The following CDK2AP1 variants were observed in gnomAD, a reference collection of about 807,000 sequenced individuals.
CDK2AP1 encodes the protein cyclin dependent kinase 2 associated protein 1.
A neutral mutation model predicts 14.1 loss-of-function variants in CDK2AP1; 10 were observed. The ratio of observed to expected loss-of-function variants is 0.71; its 90% confidence interval spans 0.44 to 1.20. The LOEUF (loss-of-function observed/expected upper bound fraction) is 1.20. Among genes scored for constraint, CDK2AP1 ranks in the 50% most tolerant of loss-of-function variants. CDK2AP1 has a pLI of 0.00. For missense variants in CDK2AP1, 102 were observed against 149.9 expected (o/e 0.68, Z 1.67); for synonymous variants, 59 against 59.8 (o/e 0.99, Z 0.06).
intron 2 of CDK2AP1, among the ~76,000 whole-genome samples, chr12:123,266,199 C>A (rs1593296329): frequency 6.6e-6 from 1 of 152,250 alleles, no homozygotes; most frequent in Non-Finnish European, 1.5e-5. Flanking sequence ...GCGCTCTGTC[C>A]TGTCCTCGTC....
intron 1 of CDK2AP1, chr12:123,271,104 C>T (rs2048349938): frequency 3.7e-6 from 3 of 817,684 alleles, no homozygotes; most frequent in African/African-American, 3.8e-5. Flanking sequence ...CCTGGCCCTG[C>T]CCGCAGCGCC....
At chr12:123,269,892 G>A (rs1488696242) in intron 1 of CDK2AP1, among the ~76,000 whole-genome samples, 1 of 152,154 alleles carries the variant, frequency 6.6e-6, no homozygotes, top group African/African-American at 2.4e-5. Context: ...CCCGTGGGGG[G>A]TTGGGAGGGG....
intron 1 of CDK2AP1, chr12:123,269,291 T>C (rs1172041807): frequency 6.6e-6 from 1 of 152,670 alleles, no homozygotes; most frequent in Admixed American, 6.5e-5. Flanking sequence ...GGTTAGGTTT[T>C]GCAGGGCTGA....
intron 1 of CDK2AP1, 52 bp downstream of exon 1, chr12:123,271,512 G>A: frequency 3.1e-6 from 3 of 971,712 alleles, no homozygotes; most frequent in Non-Finnish European, 3.7e-6. Flanking sequence ...GGCCGGGCGC[G>A]CGGACCCCCA....
Position 123,265,060 on chromosome 12 carries a change from C to T in CDK2AP1, c.280+136G>A. 1.6e-6 allele frequency: 2 copies of T among 1,255,786 alleles called. No individual in the cohort carries two copies. Among genetic ancestry groups the T allele is most frequent in the Non-Finnish European group, 2.2e-6 (2 of 890,050 alleles). The allele number at this position is 1,255,786 out of a possible 1,614,324, so 77.8% of individuals were successfully genotyped here. A position where few individuals can be genotyped will look rare whatever the true frequency, so the allele number is the denominator to read the frequency against. Reference sequence around the variant, plus strand: ...TGCCTGAGGCCTCCACCACAGACGGCAACTCTGTAACAAGACAGGAGCTCC... The same window carrying T: ...TGCCTGAGGCCTCCACCACAGACGGTAACTCTGTAACAAGACAGGAGCTCC... On this transcript the variant is annotated intron_variant, in intron 3 of 3. Transcript: ENST00000261692. The surrounding 1 kb of genome is among the most constrained non-coding windows in gnomAD (Gnocchi z 5.3).
At chr12:123,262,044 T>G in intron 3 of CDK2AP1, 1 of 416,230 alleles carries the variant, frequency 2.4e-6, no homozygotes, top group Non-Finnish European at 4.3e-6. Context: ...TTTCCTGCAT[T>G]CAAGGTGCAC....
At position 123,267,197 on chromosome 12, in the gene CDK2AP1, T is replaced by C. The variant is rs1366423838; in HGVS notation, c.141A>G (p.Leu47=). The change falls in exon 2 of 4, where the codon CTA becomes CTG. Residue 47 remains leucine, a synonymous_variant. Coordinates refer to ENST00000261692, the MANE Select transcript of CDK2AP1 (RefSeq NM_004642.4). The part of the protein sequence containing the change: ...QLLSDYGPPS[L]GYTQGTGNSQ... The stretch of plus-strand genomic sequence containing the variant: ...CCCATTGACATACCTGGGTGTAGCC[T>C]AGGGACGGTGGCCCGTAGTCACTGA... 3 of 1,604,696 alleles carry C rather than the reference T, an allele frequency of 1.9e-6. No homozygotes were observed. Among genetic ancestry groups the C allele is most frequent in the Admixed American group, 3.3e-5 (2 of 59,970 alleles).
At chr12:123,267,617 T>C (rs1460226735) in intron 1 of CDK2AP1, 1 of 288,050 alleles carries the variant, frequency 3.5e-6, no homozygotes, top group East Asian at 9.0e-5. Flanking sequence ...CCCTGTGTCC[T>C]GGTCCCCAGA....
At position 123,265,423 on chromosome 12, in the gene CDK2AP1, G is replaced by T; in HGVS notation, c.154-101C>A. On this transcript the variant is annotated intron_variant, in intron 2 of 3. Transcript: ENST00000261692. This position sits in a 1 kb window ranked among gnomAD's most constrained non-coding sequence, Gnocchi z 5.3. ...GAGGCTGAGGCAGGAGAACTGCTTG[G>T]ACCCAGGAGGTGGAAGTTGCAGTGA... The T allele has an allele frequency of 8.7e-7, 1 of 1,153,590 alleles. No individual in the cohort carries two copies. The allele number at this position is 1,153,590 out of a possible 1,614,324, so 71.5% of individuals were successfully genotyped here.
At chr12:123,268,085 G>A in intron 1 of CDK2AP1, 1 of 702,732 alleles carries the variant, frequency 1.4e-6, no homozygotes, top group Non-Finnish European at 1.8e-6. Flanking sequence ...GGAGCACGCG[G>A]CCCCGCAATG....
intron 1 of CDK2AP1, chr12:123,270,986 A>G (rs1393406665): frequency 5.1e-6 from 5 of 982,884 alleles, no homozygotes; most frequent in Non-Finnish European, 6.0e-6. Flanking sequence ...CGGCGACCCC[A>G]TCCTGGTCCC....
chr12:123,267,901 G>A (rs2048313231), intron 1 of CDK2AP1: 1 of 154,514 alleles, frequency 6.5e-6, no homozygotes, highest in East Asian at 1.9e-4. Flanking sequence ...TCCCCAAAGA[G>A]GGGACCAGAC....
rs539257093 is a variant in CDK2AP1 at position 123,271,377 on chromosome 12, G to A, written c.55+187C>T. Among the ~76,000 whole-genome samples the A allele has an allele frequency of 7.8e-3, 1,154 of 147,372 alleles. 20 individuals carry two copies. Among genetic ancestry groups the A allele is most frequent in the African/African-American group, 0.026 (1,063 of 41,010 alleles). ...CCCCAGCCGAGGCCCTCGGCGTGCG[G>A]GGCGCACCAGAGAACTTTCGCGGCG... On this transcript the variant is annotated intron_variant, in intron 1 of 3. Coordinates refer to ENST00000261692, the MANE Select transcript of CDK2AP1 (RefSeq NM_004642.4).
chr12:123,270,062 AG>A (rs1469091066), intron 1 of CDK2AP1: 2 of 222,540 alleles, frequency 9.0e-6, no homozygotes, highest in Non-Finnish European at 1.5e-5. Context: ...GTCCCAGTTT[AG>A]GGCCCCGGCC....
chr12:123,261,605 C>G lies in CDK2AP1; in HGVS notation c.*131G>C. On this transcript the variant is annotated 3_prime_UTR_variant, in exon 4 of 4. Coordinates refer to ENST00000261692, the MANE Select transcript of CDK2AP1 (RefSeq NM_004642.4). ...AATCTTTGAGACTGTAGGTTCAGAGCCAAGTGAACCATGGGAGGAAAAACG... is the reference window on the plus strand; with the variant it reads ...AATCTTTGAGACTGTAGGTTCAGAGGCAAGTGAACCATGGGAGGAAAAACG... 2 of 699,092 alleles carry G rather than the reference C, an allele frequency of 2.9e-6. No individual in the cohort carries two copies. Among genetic ancestry groups the G allele is most frequent in the South Asian group, 3.4e-5 (2 of 58,354 alleles). 43.3% of individuals were successfully genotyped at this position (699,092 alleles called of 1,614,324 possible).
chr12:123,267,482 G>C (rs974815497), intron 1 of CDK2AP1, 200 bp from the exon 2 acceptor site: 5 of 528,002 alleles, frequency 9.5e-6, no homozygotes, highest in Non-Finnish European at 1.7e-5. Context: ...ACCATCCCCA[G>C]CTCTGCAGCA....
chr12:123,263,955 A>G (rs1275322324), intron 3 of CDK2AP1, among the ~76,000 whole-genome samples: 2 of 152,092 alleles, frequency 1.3e-5, no homozygotes, highest in Non-Finnish European at 2.9e-5. Context: ...TAAAAATACA[A>G]AAATTAGCTG....
At chr12:123,271,054 GCAGCC>G in intron 1 of CDK2AP1, 1 of 954,822 alleles carries the variant, frequency 1.0e-6, no homozygotes, top group Non-Finnish European at 1.2e-6. Context: ...CCGCAGCCCC[GCAGCC>G]CCGCAGCCCT....
At chr12:123,271,080 C>G in intron 1 of CDK2AP1, 1 of 906,036 alleles carries the variant, frequency 1.1e-6, no homozygotes, top group Non-Finnish European at 1.3e-6. Flanking sequence ...CCATCCGCGC[C>G]CGCCCGCGCG....
Sources: allele counts gnomAD v4.1 joint callset (sites outside exome capture counted in the v4.1 genomes callset), GRCh38; gene constraint gnomAD v4.1.1; non-coding constraint Gnocchi (gnomAD v3.1); transcripts MANE v1.5; gene names NCBI Gene and HGNC (gene_info 2026-07-23, HGNC 2026-07-21).